Variants in FAM163A observed in about 807,000 individuals in gnomAD.
FAM163A encodes the protein protein FAM163A.
A neutral mutation model predicts 12.0 loss-of-function variants in FAM163A; 7 were observed. The observed-to-expected ratio is 0.58, with a 90% CI of 0.33 to 1.10. The LOEUF is 1.10. Ranked by LOEUF, FAM163A falls within the 50% of genes least tolerant of loss-of-function variation. The probability of loss-of-function intolerance (pLI) is 0.03; values close to 1 mark genes in which losing one functional copy is unlikely to be tolerated. For synonymous variants in FAM163A, 101 were observed against 91.0 expected (o/e 1.11, Z -0.62); for missense variants, 202 against 218.6 (o/e 0.92, Z 0.48).
chr1:179,746,701 G>T (rs1056742625), intron 1 of FAM163A, among the ~76,000 whole-genome samples: 1 of 152,068 alleles, frequency 6.6e-6, no homozygotes, highest in Non-Finnish European at 1.5e-5. Flanking sequence ...CTCTTTGTCC[G>T]TCCTGTGCCT....
the FAM163A span, among the ~76,000 whole-genome samples, chr1:179,731,519 G>A: frequency 1.3e-5 from 2 of 152,154 alleles, no homozygotes; most frequent in African/African-American, 4.8e-5. Flanking sequence ...GCTCCATAAG[G>A]CATGAAATAT....
Position 179,813,797 on chromosome 1 carries a change from A to G in FAM163A, c.112A>G (p.Ser38Gly). The change falls in exon 5 of 5, where the codon AGC becomes GGC. Residue 38 changes from serine (S) to glycine (G), a missense_variant. Transcript: ENST00000341785. ...CRLQYYCCKK[S>G]GTEVADEEEE... The stretch of plus-strand genomic sequence containing the variant: ...CGCACAGTATTACTGCTGCAAGAAG[A>G]GCGGAACCGAGGTTGCAGACGAGGA... 1 of 1,613,920 alleles carries G rather than the reference A, an allele frequency of 6.2e-7. No individual in the cohort carries two copies. Among genetic ancestry groups the G allele is most frequent in the East Asian group, 2.2e-5 (1 of 44,874 alleles).
chr1:179,794,939 A>G (rs1692056352), intron 1 of FAM163A, among the ~76,000 whole-genome samples: 1 of 152,182 alleles, frequency 6.6e-6, no homozygotes, highest in Non-Finnish European at 1.5e-5. Flanking sequence ...CATGAATCTA[A>G]TCTCGGCCTC....
chr1:179,795,475 G>A (rs1199793013), intron 1 of FAM163A, among the ~76,000 whole-genome samples: 1 of 152,194 alleles, frequency 6.6e-6, no homozygotes, highest in African/African-American at 2.4e-5. Flanking sequence ...CTGATAAAAG[G>A]ATAAATTGGC....
At chr1:179,784,388 T>G (rs1690303050) in intron 1 of FAM163A, among the ~76,000 whole-genome samples, 1 of 152,228 alleles carries the variant, frequency 6.6e-6, no homozygotes. Context: ...GAAAAGTTAC[T>G]TACTAGACAA....
chr1:179,744,881 A>G (rs1047685840), intron 1 of FAM163A, among the ~76,000 whole-genome samples: 2 of 152,194 alleles, frequency 1.3e-5, no homozygotes, highest in Non-Finnish European at 2.9e-5. Flanking sequence ...GTGGGAGACA[A>G]ACAATAACTG....
chr1:179,777,461 G>C (rs966000794), intron 1 of FAM163A, among the ~76,000 whole-genome samples: 2 of 152,148 alleles, frequency 1.3e-5, no homozygotes, highest in Non-Finnish European at 2.9e-5. Context: ...CGTGAGATCA[G>C]CCTTCGTGTG....
At chr1:179,755,825 A>T (rs1192845486) in intron 1 of FAM163A, among the ~76,000 whole-genome samples, 2 of 152,148 alleles carry the variant, frequency 1.3e-5, no homozygotes, top group Non-Finnish European at 2.9e-5. Context: ...CTGAGTCCTC[A>T]TGGTGACCCC....
Position 179,770,422 on chromosome 1 carries a change from G to A in FAM163A, c.-136+26999G>A, listed in dbSNP as rs370657580. Among the ~76,000 whole-genome samples, 8 of 152,122 alleles carry A rather than the reference G, an allele frequency of 5.3e-5. No individual in the cohort carries two copies. In the South Asian group the frequency reaches 1.5e-3, roughly 28 times the overall value. On this transcript the variant is annotated intron_variant, in intron 1 of 4. Coordinates refer to ENST00000341785, the MANE Select transcript of FAM163A (RefSeq NM_173509.3). ...GAACTTCCCATCTGTTCTTCTGATCGTGTCACTCATCCCCGTGTACTTAAA... is the reference window on the plus strand; with the variant it reads ...GAACTTCCCATCTGTTCTTCTGATCATGTCACTCATCCCCGTGTACTTAAA...
chr1:179,803,629 C>T (rs973370898), intron 1 of FAM163A, among the ~76,000 whole-genome samples: 20 of 151,866 alleles, frequency 1.3e-4, no homozygotes, highest in African/African-American at 4.4e-4. Flanking sequence ...AGTGCAATGG[C>T]GCCATCTCAG....
chr1:179,794,110 C>G (rs569023680), intron 1 of FAM163A, among the ~76,000 whole-genome samples: 1 of 152,350 alleles, frequency 6.6e-6, no homozygotes, highest in African/African-American at 2.4e-5. Flanking sequence ...TGCCCTTACT[C>G]TCACACTCTT....
At chr1:179,811,802 G>A (rs149452639) in intron 2 of FAM163A, among the ~76,000 whole-genome samples, 107 of 152,326 alleles carry the variant, frequency 7.0e-4, no homozygotes, top group South Asian at 5.2e-3. Context: ...GGACAGCTCT[G>A]GTGGAGCCAC....
chr1:179,734,031 A>T, the FAM163A span, among the ~76,000 whole-genome samples: 1 of 152,150 alleles, frequency 6.6e-6, no homozygotes, highest in African/African-American at 2.4e-5. Flanking sequence ...ACACCCCAAT[A>T]GTGTCTGGAG....
At chr1:179,781,307 T>A (rs10913885) in intron 1 of FAM163A, among the ~76,000 whole-genome samples, 79,296 of 152,002 alleles carry the variant, frequency 0.52, 21,458 homozygotes, top group East Asian at 0.87. Context: ...GAATCTTATA[T>A]GAATTTTACC....
intron 1 of FAM163A, among the ~76,000 whole-genome samples, chr1:179,744,293 C>T (rs2504038): frequency 0.31 from 47,372 of 151,848 alleles, 7,576 homozygotes; most frequent in South Asian, 0.42. Flanking sequence ...AGGCGCCGGC[C>T]ACACGGAAGC....
chr1:179,745,690 G>A (rs542413826), intron 1 of FAM163A, among the ~76,000 whole-genome samples: 2 of 152,308 alleles, frequency 1.3e-5, no homozygotes, highest in East Asian at 3.9e-4. Flanking sequence ...TACCTGCTAT[G>A]TGCCAGACAC....
rs1406492062 is a variant in FAM163A at position 179,815,107 on chromosome 1, G to GCACACA, written c.*919_*920insACACAC. The GCACACA allele has an allele frequency of 1.5e-5, 1 of 64,826 alleles. No homozygotes were observed. The allele number at this position is 64,826 out of a possible 1,614,324, so 4.0% of individuals were successfully genotyped here. On this transcript the variant is annotated 3_prime_UTR_variant, in exon 5 of 5. Transcript: ENST00000341785. ...CCCAGGTGTACGCACGCGCGCGCGC[G>GCACACA]CGCACAGACACACACACACACACAC...
chr1:179,787,538 C>T (rs1690819992), intron 1 of FAM163A, among the ~76,000 whole-genome samples: 1 of 152,200 alleles, frequency 6.6e-6, no homozygotes, highest in Non-Finnish European at 1.5e-5. Context: ...ACAGCACCTG[C>T]TCCACAGGCA....
At chr1:179,801,747 C>G (rs1176922226) in intron 1 of FAM163A, among the ~76,000 whole-genome samples, 1 of 152,172 alleles carries the variant, frequency 6.6e-6, no homozygotes, top group Non-Finnish European at 1.5e-5. Flanking sequence ...ATGGAAGGCT[C>G]TGTGTGGGGA....
Sources: gnomAD v4.1 joint callset for allele counts (sites outside exome capture counted in the v4.1 genomes callset) on GRCh38, gnomAD v4.1.1 for gene constraint, MANE v1.5 for transcripts, NCBI Gene and HGNC (gene_info 2026-07-23, HGNC 2026-07-21) for gene names.